The following NTRK2 variants were observed in gnomAD, a reference collection of about 807,000 sequenced individuals.
NTRK2 encodes the protein neurotrophic receptor tyrosine kinase 2, also known as BDNF/NT-3 growth factors receptor.
NTRK2 carries 13 observed loss-of-function variants against 94.5 expected under a neutral mutation model. That is an observed-to-expected ratio of 0.14 (90% CI 0.09 to 0.22). The LOEUF is 0.22. Ranked by LOEUF, NTRK2 falls within the 10% of genes least tolerant of loss-of-function variation. The pLI is 1.00. For missense variants in NTRK2, 639 were observed against 1,071.2 expected (o/e 0.60, Z 5.63); for synonymous variants, 372 against 407.4 (o/e 0.91, Z 1.05).
chr9:84,677,578 AG>A (rs1430910123), intron 2 of NTRK2, among the ~76,000 whole-genome samples: 1 of 152,064 alleles, frequency 6.6e-6, no homozygotes, highest in Non-Finnish European at 1.5e-5. Flanking sequence ...GCAGCCTCTG[AG>A]GGGCTGTGAG....
Position 84,875,972 on chromosome 9 carries a change from G to A in NTRK2, c.1633+8541G>A, listed in dbSNP as rs191790763. On this transcript the variant is annotated intron_variant, in intron 14 of 18. Coordinates refer to ENST00000277120, the MANE Select transcript of NTRK2 (RefSeq NM_006180.6). The stretch of plus-strand genomic sequence containing the variant: ...AGATATGTGTGATTTCAGAACCAAA[G>A]GCAGGGGGGAATCCCAGAAAGAAAA... 1.5e-3 allele frequency: 1,555 copies of A among 1,039,156 alleles called. 1 individual carries two copies. Among genetic ancestry groups the A allele is most frequent in the Non-Finnish European group, 1.7e-3 (1,505 of 862,038 alleles). The allele number at this position is 1,039,156 out of a possible 1,614,324, so 64.4% of individuals were successfully genotyped here. A position where few individuals can be genotyped will look rare whatever the true frequency, so the allele number is the denominator to read the frequency against.
intron 12 of NTRK2, chr9:84,813,355 A>T: frequency 9.6e-7 from 1 of 1,038,630 alleles, no homozygotes; most frequent in Non-Finnish European, 1.2e-6. Flanking sequence ...AAATGTCCCG[A>T]TTGTTAAAAA....
At chr9:84,810,282 G>A (rs1332350618) in intron 12 of NTRK2, among the ~76,000 whole-genome samples, 4 of 152,052 alleles carry the variant, frequency 2.6e-5, no homozygotes, top group South Asian at 2.1e-4. Context: ...GAAATCCTTC[G>A]CATTTCTTTT....
At chr9:84,788,648 T>C (rs1253270664) in intron 12 of NTRK2, among the ~76,000 whole-genome samples, 1 of 151,700 alleles carries the variant, frequency 6.6e-6, no homozygotes, top group Non-Finnish European at 1.5e-5. Context: ...CAAGGTGGGG[T>C]GTTCTGTGGG....
chr9:84,739,613 T>C (rs1477191184), intron 9 of NTRK2, among the ~76,000 whole-genome samples: 3 of 152,168 alleles, frequency 2.0e-5, no homozygotes, highest in Admixed American at 2.0e-4. Flanking sequence ...GTCACTTTCT[T>C]ATGGAGCTGT....
At chr9:84,702,910 A>G (rs1432138651) in intron 4 of NTRK2, among the ~76,000 whole-genome samples, 2 of 152,216 alleles carry the variant, frequency 1.3e-5, no homozygotes, top group African/African-American at 4.8e-5. Flanking sequence ...GTAGAGAAAA[A>G]TCAATCATGG....
rs545487944 is a variant in NTRK2 at position 84,726,862 on chromosome 9, CT to C, written c.854-790del. Among the ~76,000 whole-genome samples the C allele has an allele frequency of 4.1e-3, 624 of 152,318 alleles. 5 individuals carry two copies. The highest frequency in any genetic ancestry group is 0.027 in the Middle Eastern group (8 of 294). ...AGATGAAGCATTTTAAATACCCTCACTTAGGATAAGTACTCTGTTTAAAAAT... is the reference window on the plus strand; with the variant it reads ...AGATGAAGCATTTTAAATACCCTCACTAGGATAAGTACTCTGTTTAAAAAT... On this transcript the variant is annotated intron_variant, in intron 8 of 18. Coordinates refer to ENST00000277120, the MANE Select transcript of NTRK2 (RefSeq NM_006180.6).
intron 12 of NTRK2, among the ~76,000 whole-genome samples, chr9:84,833,197 AT>A (rs1273763827): frequency 6.6e-6 from 1 of 152,116 alleles, no homozygotes; most frequent in Non-Finnish European, 1.5e-5. Context: ...TCTGACAGCC[AT>A]TGTTCTGTGA....
rs545627509 is a variant in NTRK2, at chr9:85,022,025, T to C, written c.*588T>C. 2.6e-5 allele frequency: 6 copies of C among 234,392 alleles called. No individual in the cohort carries two copies. In the East Asian group the frequency reaches 3.0e-4, roughly 12 times the overall value. 14.5% of individuals were successfully genotyped at this position (234,392 alleles called of 1,614,324 possible). A position where few individuals can be genotyped will look rare whatever the true frequency, so the allele number is the denominator to read the frequency against. ...TGTTTTTGGATGGCTTAAGCCTGTG[T>C]ATAAAAAAGAAAACTTGTGTTCAAT... On this transcript the variant is annotated 3_prime_UTR_variant, in exon 19 of 19. Transcript: ENST00000277120.
At chr9:84,907,575 C>T (rs1487732977) in intron 14 of NTRK2, among the ~76,000 whole-genome samples, 1 of 152,078 alleles carries the variant, frequency 6.6e-6, no homozygotes, top group Non-Finnish European at 1.5e-5. Flanking sequence ...CTGCTTAATT[C>T]TGTTCAGGGT....
At chr9:84,999,430 G>T (rs1830105860) in intron 17 of NTRK2, among the ~76,000 whole-genome samples, 1 of 152,092 alleles carries the variant, frequency 6.6e-6, no homozygotes, top group South Asian at 2.1e-4. Flanking sequence ...TGGGCCATTA[G>T]GGCACAAATT....
rs1227027443 is a variant in NTRK2 at position 85,025,390 on chromosome 9, G to A, written c.*3953G>A. 4.3e-6 allele frequency: 1 copy of A among 233,112 alleles called. No individual in the cohort carries two copies. Among genetic ancestry groups the A allele is most frequent in the Non-Finnish European group, 8.5e-6 (1 of 118,028 alleles). 14.4% of individuals were successfully genotyped at this position (233,112 alleles called of 1,614,324 possible). A position where few individuals can be genotyped will look rare whatever the true frequency, so the allele number is the denominator to read the frequency against. Reference sequence around the variant, plus strand: ...AGTTCAAGCATTCCAAATATAAATTGGAATGTTGGCAGCCCAGTGGCTTGA... The same window carrying A: ...AGTTCAAGCATTCCAAATATAAATTAGAATGTTGGCAGCCCAGTGGCTTGA... On this transcript the variant is annotated 3_prime_UTR_variant, in exon 19 of 19. Transcript: ENST00000277120.
chr9:84,965,387 T>C (rs754590853), intron 17 of NTRK2, among the ~76,000 whole-genome samples: 3 of 152,220 alleles, frequency 2.0e-5, no homozygotes, highest in Non-Finnish European at 4.4e-5. Flanking sequence ...AGAAGAGACG[T>C]AAATGAATCA....
chr9:84,868,312 G>T (rs1200126954), intron 14 of NTRK2, among the ~76,000 whole-genome samples: 1 of 152,184 alleles, frequency 6.6e-6, no homozygotes, highest in Non-Finnish European at 1.5e-5. Flanking sequence ...ATAGAGGTAA[G>T]GTAGAGGATT....
At chr9:84,779,044 TC>T (rs1564253126) in intron 12 of NTRK2, among the ~76,000 whole-genome samples, 1 of 152,198 alleles carries the variant, frequency 6.6e-6, no homozygotes, top group East Asian at 1.9e-4. Flanking sequence ...AGTGCCTCCT[TC>T]CCTCTCCCTT....
chr9:84,705,829 G>T (rs112730598), intron 4 of NTRK2, among the ~76,000 whole-genome samples: 1 of 130,316 alleles, frequency 7.7e-6, no homozygotes, highest in Non-Finnish European at 1.6e-5. Flanking sequence ...TGCTGTTGTC[G>T]CCCAGGCTGG....
Position 85,025,116 on chromosome 9 carries a change from C to G in NTRK2, c.*3679C>G, listed in dbSNP as rs1216944219. ...GCTTCCATACTCCACGTGGGTAGGA[C>G]TACATCACACTTTTCAACTCTGTGC... On this transcript the variant is annotated 3_prime_UTR_variant, in exon 19 of 19. Transcript: ENST00000277120. The G allele has an allele frequency of 4.3e-6, 1 of 233,016 alleles. No individual in the cohort carries two copies. 14.4% of individuals were successfully genotyped at this position (233,016 alleles called of 1,614,324 possible).
chr9:84,747,621 C>T (rs1588333944), intron 11 of NTRK2, among the ~76,000 whole-genome samples: 1 of 151,790 alleles, frequency 6.6e-6, no homozygotes, highest in African/African-American at 2.4e-5. Context: ...GGGACTACAG[C>T]CACCTGCCAG....
intron 17 of NTRK2, among the ~76,000 whole-genome samples, chr9:84,977,779 G>T (rs1354808086): frequency 1.3e-5 from 2 of 152,150 alleles, no homozygotes; most frequent in Admixed American, 1.3e-4. Context: ...TGGCAACCAG[G>T]TATCAAGAAA....
Sources: gnomAD v4.1 joint callset for allele counts (sites outside exome capture counted in the v4.1 genomes callset) on GRCh38, gnomAD v4.1.1 for gene constraint, MANE v1.5 for transcripts, NCBI Gene and HGNC (gene_info 2026-07-23, HGNC 2026-07-21) for gene names.